Variants in ATP5F1E observed in about 807,000 individuals in gnomAD.
ATP5F1E encodes ATP synthase F(1) complex subunit epsilon, mitochondrial.
Under a neutral mutation model 7.0 loss-of-function variants are expected in ATP5F1E, and 5 were observed. That is an observed-to-expected ratio of 0.71 (90% CI 0.37 to 1.49). ATP5F1E has a LOEUF of 1.49. Among genes scored for constraint, ATP5F1E ranks in the 40% most tolerant of loss-of-function variants. ATP5F1E has a pLI of 0.03. For missense variants in ATP5F1E, 59 were observed against 57.1 expected, an observed-to-expected ratio of 1.03 and a Z score of -0.11; for synonymous variants, 20 against 20.1, an observed-to-expected ratio of 0.99 and a Z score of 0.02.
rs1208697616 is a variant in ATP5F1E, at chr20:59,026,400, G to GC, written c.*2444dup. The GC allele has an allele frequency of 6.6e-6, 1 of 152,184 alleles. No individual in the cohort carries two copies. Among genetic ancestry groups the GC allele is most frequent in the African/African-American group, 2.4e-5 (1 of 41,428 alleles). The allele number at this position is 152,184 out of a possible 1,614,324, so 9.4% of individuals were successfully genotyped here. A position where few individuals can be genotyped will look rare whatever the true frequency, so the allele number is the denominator to read the frequency against. ...TTTGAAGTTAGTAACTTCCTGAGAT[G>GC]CTAAAGACTTACAGCCTGCGATTAT... On this transcript the variant is annotated 3_prime_UTR_variant, in exon 3 of 3. Transcript: ENST00000243997.
chr20:59,029,203 A>C (rs2092010274), intron 2 of ATP5F1E: 1 of 152,234 alleles, frequency 6.6e-6, no homozygotes, highest in Admixed American at 6.5e-5. Flanking sequence ...AGGACTTTGC[A>C]AAATCTCAGC....
intron 2 of ATP5F1E, 97 bp downstream of exon 2, chr20:59,030,206 A>T (rs2092017028): frequency 1.3e-6 from 2 of 1,498,988 alleles, no homozygotes; most frequent in Non-Finnish European, 1.8e-6. Flanking sequence ...ACACTGACTA[A>T]AAAATGAATA....
chr20:59,032,313 C>A lies in ATP5F1E; in HGVS notation c.-62G>T. 2 of 1,567,528 alleles carry A rather than the reference C, an allele frequency of 1.3e-6. No homozygotes were observed. Among genetic ancestry groups the A allele is most frequent in the Non-Finnish European group, 1.7e-6 (2 of 1,155,676 alleles). ...CAAGACGCCGGCAATGTCGGCTCAG[C>A]CGGGCGGTTCAGCCGCAGGAAGATC... On this transcript the variant is annotated 5_prime_UTR_variant, in exon 1 of 3. Coordinates refer to ENST00000243997, the MANE Select transcript of ATP5F1E (RefSeq NM_006886.4).
rs545954444 is a variant in ATP5F1E at position 59,029,761 on chromosome 20, A to G, written c.*3+542T>C. On this transcript the variant is annotated intron_variant, in intron 2 of 2. Transcript: ENST00000243997. ...AAAATGAACCAAACCCTCTGAAAGC[A>G]TAATAAATTAGCAAAACAGTATTCG... is the stretch of plus-strand genomic sequence containing the variant. 37 of 167,118 alleles carry G rather than the reference A, an allele frequency of 2.2e-4. 1 individual carries two copies. The South Asian group carries it at 3.6e-3, about 16-fold the overall frequency. The allele number at this position is 167,118 out of a possible 1,614,324, so 10.4% of individuals were successfully genotyped here.
rs1291789827 is a variant in ATP5F1E, at chr20:59,027,355, C to G, written c.*1490G>C. On this transcript the variant is annotated 3_prime_UTR_variant, in exon 3 of 3. Coordinates refer to ENST00000243997, the MANE Select transcript of ATP5F1E (RefSeq NM_006886.4). ...CCATACCATCTATATACCAGTAATA[C>G]CCCATCTGCCTCCTTAACATACCAT... The G allele has an allele frequency of 6.6e-6, 1 of 151,944 alleles. No homozygotes were observed. Among genetic ancestry groups the G allele is most frequent in the Admixed American group, 6.6e-5 (1 of 15,252 alleles). The allele number at this position is 151,944 out of a possible 1,614,324, so 9.4% of individuals were successfully genotyped here.
At chr20:59,032,021 A>C (rs1163116301) in intron 1 of ATP5F1E, among the ~76,000 whole-genome samples, 199 bp downstream of exon 1, 1 of 152,242 alleles carries the variant, frequency 6.6e-6, no homozygotes, top group Non-Finnish European at 1.5e-5. Context: ...CAGGACACAG[A>C]CGCGCTCCCA....
chr20:59,031,690 T>C (rs1216843152), intron 1 of ATP5F1E, among the ~76,000 whole-genome samples: 5 of 152,188 alleles, frequency 3.3e-5, no homozygotes, highest in Non-Finnish European at 7.3e-5. Flanking sequence ...TCGACAGTTA[T>C]GGCTTTCACC....
rs1406282430 is a variant in ATP5F1E at position 59,030,442 on chromosome 20, G to A, written c.33-13C>T. 1 of 1,613,202 alleles carries A rather than the reference G, an allele frequency of 6.2e-7. No individual in the cohort carries two copies. The highest frequency in any genetic ancestry group is 8.5e-7 in the Non-Finnish European group (1 of 1,179,544). ...GTATCGGATGTAGCTGGGAGAAAATGAGAGAAGGTATATGGTTAATTATCA... is the reference window on the plus strand; with the variant it reads ...GTATCGGATGTAGCTGGGAGAAAATAAGAGAAGGTATATGGTTAATTATCA... On this transcript the variant is annotated splice_polypyrimidine_tract_variant and intron_variant, in intron 1 of 2. Coordinates refer to ENST00000243997, the MANE Select transcript of ATP5F1E (RefSeq NM_006886.4).
At chr20:59,030,104 A>C in intron 2 of ATP5F1E, 199 bp downstream of exon 2, 1 of 494,878 alleles carries the variant, frequency 2.0e-6, no homozygotes, top group South Asian at 2.0e-5. Flanking sequence ...TCTGCTTGTC[A>C]GGGCCCAAGA....
At position 59,030,343 on chromosome 20, in the gene ATP5F1E, C is replaced by A; in HGVS notation, c.119G>T (p.Gly40Val). Residue 40 changes from glycine (G) to valine (V), a missense_variant, in exon 2 of 3, where the codon GGC becomes GTC. By Grantham distance (109) the Gly-to-Val change is moderately radical. Transcript: ENST00000243997. ...TACTTTCACAATTTTTACGTTGCTGCCAGAAGTCTTCTCAGCATTTGCTTT... is the reference window on the plus strand; with the variant it reads ...TACTTTCACAATTTTTACGTTGCTGACAGAAGTCTTCTCAGCATTTGCTTT... Reference protein sequence around the residue: ...EFKANAEKTSGSNVKIVKVKK... With the variant: ...EFKANAEKTSVSNVKIVKVKK... 6.2e-7 allele frequency: 1 copy of A among 1,613,914 alleles called. No individual in the cohort carries two copies. The highest frequency in any genetic ancestry group is 1.1e-5 in the South Asian group (1 of 91,084).
At chr20:59,032,175 G>T in intron 1 of ATP5F1E, 45 bp downstream of exon 1, 1 of 1,568,120 alleles carries the variant, frequency 6.4e-7, no homozygotes, top group South Asian at 1.2e-5. Context: ...CGGGATGCGC[G>T]CGGGCCGGCT....
chr20:59,030,304 G>A lies in ATP5F1E; in HGVS notation c.*2C>T, dbSNP rs770651203. The A allele has an allele frequency of 3.1e-6, 5 of 1,613,408 alleles. No individual in the cohort carries two copies. In the South Asian group the frequency reaches 4.4e-5, roughly 14 times the overall value. On this transcript the variant is annotated splice_region_variant and 3_prime_UTR_variant, in exon 2 of 3. Coordinates refer to ENST00000243997, the MANE Select transcript of ATP5F1E (RefSeq NM_006886.4). ...CTTCTAAATAAATCCATAACTTACA[G>A]ATTATTCCTTCTTTACTTTCACAAT... is the stretch of plus-strand genomic sequence containing the variant.
rs1189193696 is a variant in ATP5F1E at position 59,032,245 on chromosome 20, C to T, written c.7G>A (p.Ala3Thr). 1 of 1,601,134 alleles carries T rather than the reference C, an allele frequency of 6.2e-7. No homozygotes were observed. Among genetic ancestry groups the T allele is most frequent in the Admixed American group, 1.7e-5 (1 of 58,304 alleles). The change falls in exon 1 of 3, where the codon GCC becomes ACC. Residue 3 changes from alanine (A) to threonine (T), a missense_variant. Ala to Thr is a moderately conservative substitution (Grantham distance 58). Transcript: ENST00000243997. MV[A>T]YWRQAGLSYI... ...CTGAGTCCAGCCTGTCTCCAGTAGG[C>T]CACCATGCTGTAGCGAAAGCGGAGC...
In ATP5F1E at chr20:59,030,300, TAC is replaced by T. The variant is rs750631783; in HGVS notation, c.*3+1_*3+2del. The T allele has an allele frequency of 3.7e-6, 6 of 1,613,160 alleles. 1 individual carries two copies. The South Asian group carries it at 4.4e-5, about 12-fold the overall frequency. On this transcript the variant is annotated splice_donor_variant, in intron 2 of 2. Transcript: ENST00000243997. LOFTEE classifies it low-confidence loss of function (3UTR_SPLICE). ...TGTTCTTCTAAATAAATCCATAACTTACAGATTATTCCTTCTTTACTTTCACA... is the reference window on the plus strand; with the variant it reads ...TGTTCTTCTAAATAAATCCATAACTTAGATTATTCCTTCTTTACTTTCACA...
chr20:59,029,276 T>C (rs1270472325), intron 2 of ATP5F1E: 2 of 152,144 alleles, frequency 1.3e-5, no homozygotes, highest in Non-Finnish European at 2.9e-5. Flanking sequence ...TAGCTTACTG[T>C]TAAAACAAAA....
chr20:59,031,747 A>T (rs970065688), intron 1 of ATP5F1E, among the ~76,000 whole-genome samples: 7 of 150,288 alleles, frequency 4.7e-5, no homozygotes, highest in South Asian at 2.1e-4. Context: ...TTAAAAGTTT[A>T]AAAAAAAAAT....
In ATP5F1E at chr20:59,032,284, T is replaced by C; in HGVS notation, c.-33A>G. 6.3e-7 allele frequency: 1 copy of C among 1,594,290 alleles called. No homozygotes were observed. Among genetic ancestry groups the C allele is most frequent in the Non-Finnish European group, 8.5e-7 (1 of 1,170,764 alleles). Reference sequence around the variant, plus strand: ...CGAAAGCGGAGCTCGTCGGGCCGAATCGCCAAGACGCCGGCAATGTCGGCT... The same window carrying C: ...CGAAAGCGGAGCTCGTCGGGCCGAACCGCCAAGACGCCGGCAATGTCGGCT... On this transcript the variant is annotated 5_prime_UTR_variant, in exon 1 of 3. Transcript: ENST00000243997.
rs1237205167 is a variant in ATP5F1E at position 59,028,008 on chromosome 20, T to A, written c.*837A>T. On this transcript the variant is annotated 3_prime_UTR_variant, in exon 3 of 3. Transcript: ENST00000243997. Reference sequence around the variant, plus strand: ...AGGCAGTTAACTTTGCAATGGTGTTTTACTTGCCCAAGCCCTTTCAAGTTT... The same window carrying A: ...AGGCAGTTAACTTTGCAATGGTGTTATACTTGCCCAAGCCCTTTCAAGTTT... The A allele has an allele frequency of 6.6e-6, 1 of 152,248 alleles. No homozygotes were observed. Among genetic ancestry groups the A allele is most frequent in the African/African-American group, 2.4e-5 (1 of 41,472 alleles). 9.4% of individuals were successfully genotyped at this position (152,248 alleles called of 1,614,324 possible).
At position 59,032,281 on chromosome 20, in the gene ATP5F1E, G is replaced by A. The variant is rs775665577; in HGVS notation, c.-30C>T. 4 of 1,594,340 alleles carry A rather than the reference G, an allele frequency of 2.5e-6. No individual in the cohort carries two copies. Among genetic ancestry groups the A allele is most frequent in the Admixed American group, 1.7e-5 (1 of 57,200 alleles). On this transcript the variant is annotated 5_prime_UTR_variant, in exon 1 of 3. Coordinates refer to ENST00000243997, the MANE Select transcript of ATP5F1E (RefSeq NM_006886.4). The stretch of plus-strand genomic sequence containing the variant: ...TAGCGAAAGCGGAGCTCGTCGGGCC[G>A]AATCGCCAAGACGCCGGCAATGTCG...
Sources: gnomAD v4.1 joint callset for allele counts (sites outside exome capture counted in the v4.1 genomes callset) on GRCh38, gnomAD v4.1.1 for gene constraint, MANE v1.5 for transcripts, NCBI Gene and HGNC (gene_info 2026-07-23, HGNC 2026-07-21) for gene names.